Variants in GOLGB1 observed in about 807,000 individuals in gnomAD.
GOLGB1 encodes the protein golgin subfamily B member 1.
In GOLGB1, 174 loss-of-function variants were observed where a neutral mutation model predicts 336.9. The observed-to-expected ratio is 0.52, with a 90% CI of 0.46 to 0.59. The LOEUF (loss-of-function observed/expected upper bound fraction) is 0.59. Ranked by LOEUF, GOLGB1 falls within the 20% of genes least tolerant of loss-of-function variation. The pLI, the probability that GOLGB1 is intolerant of heterozygous loss-of-function variation, is 0.00. For missense variants in GOLGB1, 3,331 were observed against 3,645.3 expected, an observed-to-expected ratio of 0.91 and a Z score of 2.22; for synonymous variants, 1,208 against 1,289.2, an observed-to-expected ratio of 0.94 and a Z score of 1.35.
intron 17 of GOLGB1, among the ~76,000 whole-genome samples, chr3:121,675,097 A>G (rs573052472): frequency 6.6e-6 from 1 of 151,912 alleles, no homozygotes; most frequent in East Asian, 1.9e-4. Flanking sequence ...CGGCCTCCCA[A>G]AGTGCTGGGA....
intron 21 of GOLGB1, 47 bp downstream of exon 21, chr3:121,664,879 C>T: frequency 8.7e-7 from 1 of 1,148,878 alleles, no homozygotes; most frequent in Non-Finnish European, 1.3e-6. Context: ...GTATAGCCAG[C>T]CCTGTCAGAT....
chr3:121,676,569 T>C (rs974134973), intron 17 of GOLGB1, among the ~76,000 whole-genome samples: 4 of 152,204 alleles, frequency 2.6e-5, no homozygotes, highest in African/African-American at 9.6e-5. Context: ...GGAGGACAAT[T>C]CTTAAGAGGG....
At chr3:121,680,705 A>C (rs1940970461) in intron 15 of GOLGB1, among the ~76,000 whole-genome samples, 2 of 152,238 alleles carry the variant, frequency 1.3e-5, no homozygotes, top group African/African-American at 4.8e-5. Context: ...AGGGAGATGA[A>C]AAGATAAACT....
chr3:121,686,649 C>T (rs759157553), intron 14 of GOLGB1, among the ~76,000 whole-genome samples: 17 of 120,564 alleles, frequency 1.4e-4, no homozygotes, highest in South Asian at 1.1e-3. Context: ...AAATAGTGTA[C>T]AGAAATTAAA....
intron 1 of GOLGB1, among the ~76,000 whole-genome samples, chr3:121,735,513 G>A (rs1296470585): frequency 6.6e-6 from 1 of 152,130 alleles, no homozygotes; most frequent in Non-Finnish European, 1.5e-5. Flanking sequence ...ACAGTGGTAT[G>A]GGTTAGCAAT....
chr3:121,678,337 G>GTCT (rs1226756812), intron 15 of GOLGB1, among the ~76,000 whole-genome samples: 1 of 152,190 alleles, frequency 6.6e-6, no homozygotes, highest in African/African-American at 2.4e-5. Flanking sequence ...AATCTCCTGT[G>GTCT]TCTGAACATT....
rs924589425 is a variant in GOLGB1 at position 121,695,382 on chromosome 3, G to A, written c.5141C>T (p.Thr1714Ile). 5.6e-6 allele frequency: 9 copies of A among 1,613,824 alleles called. No individual in the cohort carries two copies. In the African/African-American group the frequency reaches 1.2e-4, roughly 22 times the overall value. ...LRAEVHPAGD[T>I]AKECMETLLS... Reference sequence around the variant, plus strand: ...AAGTGTTTCCATACACTCTTTAGCTGTATCTCCTGCAGGGTGCACCTCTGC... The same window carrying A: ...AAGTGTTTCCATACACTCTTTAGCTATATCTCCTGCAGGGTGCACCTCTGC... Residue 1714 changes from threonine to isoleucine, a missense_variant, in exon 13 of 22, where the codon ACA becomes ATA. Physicochemically the swap from Thr to Ile is moderately conservative, Grantham distance 89 (BLOSUM62 -1). Transcript: ENST00000614479.
intron 9 of GOLGB1, 84 bp from the exon 10 acceptor site, chr3:121,715,060 G>T: frequency 1.4e-6 from 1 of 729,456 alleles, no homozygotes; most frequent in Non-Finnish European, 2.4e-6. Context: ...TACACTGTAT[G>T]CTGTTTACTA....
chr3:121,721,296 G>A (rs886277933), intron 6 of GOLGB1, among the ~76,000 whole-genome samples: 2 of 151,536 alleles, frequency 1.3e-5, no homozygotes, highest in Admixed American at 6.6e-5. Context: ...GTACTTCAGG[G>A]AAAAAAATCT....
chr3:121,732,809 G>A (rs970614908), intron 1 of GOLGB1, among the ~76,000 whole-genome samples: 4 of 152,172 alleles, frequency 2.6e-5, no homozygotes, highest in African/African-American at 9.7e-5. Context: ...CTCACCATAT[G>A]AGAAACAAGG....
At chr3:121,747,191 T>TATATAC (rs1947364298) in intron 1 of GOLGB1, among the ~76,000 whole-genome samples, 2 of 116,432 alleles carry the variant, frequency 1.7e-5, no homozygotes, top group Non-Finnish European at 3.6e-5. Flanking sequence ...TATATATATA[T>TATATAC]ATGGATGTTA....
At chr3:121,710,683 T>G (rs188662164) in intron 10 of GOLGB1, among the ~76,000 whole-genome samples, 17 of 151,650 alleles carry the variant, frequency 1.1e-4, no homozygotes, top group African/African-American at 3.9e-4. Flanking sequence ...CACCAATAAA[T>G]AAACAAACAA....
chr3:121,731,217 A>C (rs1946089514), intron 1 of GOLGB1, among the ~76,000 whole-genome samples: 1 of 152,222 alleles, frequency 6.6e-6, no homozygotes, highest in Admixed American at 6.5e-5. Flanking sequence ...ACCATTTCTA[A>C]AATAAAATGT....
rs1015352991 is a variant in GOLGB1 at position 121,663,765 on chromosome 3, A to G, written c.*715T>C. 2 of 152,230 alleles carry G rather than the reference A, an allele frequency of 1.3e-5. No individual in the cohort carries two copies. Among genetic ancestry groups the G allele is most frequent in the African/African-American group, 4.8e-5 (2 of 41,452 alleles). The allele number at this position is 152,230 out of a possible 1,614,324, so 9.4% of individuals were successfully genotyped here. ...ACACTTCTCCCTGCCCTTTGGTGAA[A>G]GGAAAGACTTGGGCCACTTAATACC... is the stretch of plus-strand genomic sequence containing the variant. On this transcript the variant is annotated 3_prime_UTR_variant, in exon 22 of 22. Coordinates refer to ENST00000614479, the MANE Select transcript of GOLGB1 (RefSeq NM_001366282.2).
rs573745600 is a variant in GOLGB1, at chr3:121,698,587, T to G, written c.1936A>C (p.Ser646Arg). 5.6e-6 allele frequency: 9 copies of G among 1,613,884 alleles called. No individual in the cohort carries two copies. The Admixed American group carries it at 1.3e-4, about 24-fold the overall frequency. The stretch of plus-strand genomic sequence containing the variant: ...GATGTTCTACTTTGATGTTCAGTGC[T>G]CGCCTGTTCTTTTTCAACTGCTGGA... ...SLPAVEKEQA[S>R]TEHQSRTSEE... The change falls in exon 13 of 22, where the codon AGC (serine) becomes CGC (arginine). Residue 646 changes from serine (S) to arginine (R), a missense_variant. Transcript: ENST00000614479.
intron 5 of GOLGB1, among the ~76,000 whole-genome samples, chr3:121,725,815 TAAG>T (rs1421499740): frequency 2.0e-5 from 3 of 151,972 alleles, no homozygotes; most frequent in Admixed American, 6.6e-5. Flanking sequence ...GGTAGCTTTA[TAAG>T]AAGAAGAGAG....
intron 14 of GOLGB1, among the ~76,000 whole-genome samples, chr3:121,684,127 C>CAAAAAAAAAAAAAAAAA (rs61510295): frequency 1.8e-4 from 2 of 10,912 alleles, no homozygotes; most frequent in East Asian, 1.1e-3. Flanking sequence ...GACGCCGTCT[C>CAAAAAAAAAAAAAAAAA]AAAAAAAAAA....
intron 10 of GOLGB1, among the ~76,000 whole-genome samples, chr3:121,707,225 CA>C (rs554313106): frequency 0.26 from 24,152 of 92,918 alleles, 1,693 homozygotes; most frequent in South Asian, 0.34. Context: ...GACTCCATCT[CA>C]AAAAAAAAAA....
At chr3:121,690,639 A>T in intron 14 of GOLGB1, 31 bp downstream of exon 14, 1 of 1,189,840 alleles carries the variant, frequency 8.4e-7, no homozygotes, top group Non-Finnish European at 1.2e-6. Context: ...AAACTCTTAA[A>T]CAGATCAGAA....
Sources: allele counts gnomAD v4.1 joint callset (sites outside exome capture counted in the v4.1 genomes callset), GRCh38; gene constraint gnomAD v4.1.1; transcripts MANE v1.5; gene names NCBI Gene and HGNC (gene_info 2026-07-23, HGNC 2026-07-21).